Variants in CLNK observed in about 807,000 individuals in gnomAD.
CLNK encodes cytokine dependent hematopoietic cell linker, also known as cytokine-dependent hematopoietic cell linker.
A neutral mutation model predicts 68.6 loss-of-function variants in CLNK; 74 were observed. That is an observed-to-expected ratio of 1.08 (90% confidence interval 0.89 to 1.31). The LOEUF (loss-of-function observed/expected upper bound fraction) is 1.31. CLNK is among the 50% of genes most tolerant of loss of function. The pLI is 0.00. For missense variants in CLNK, 553 were observed against 515.3 expected, an observed-to-expected ratio of 1.07 and a Z score of -0.71; for synonymous variants, 198 against 172.2, an observed-to-expected ratio of 1.15 and a Z score of -1.17.
chr4:10,519,632 A>G (rs1717978257), intron 15 of CLNK, among the ~76,000 whole-genome samples: 1 of 152,218 alleles, frequency 6.6e-6, no homozygotes, highest in Admixed American at 6.5e-5. Context: ...AAGCGAATTT[A>G]TCAGCTTGGT....
rs376552124 is a variant in CLNK, at chr4:10,507,945, G to A, written c.984+14C>T. On this transcript the variant is annotated intron_variant, in intron 17 of 18. Coordinates refer to ENST00000226951, the MANE Select transcript of CLNK (RefSeq NM_052964.4). ...TATAGAAACAATAATGATGGGCCAC[G>A]TAGAAGGCATTACCTTGTTCTCCTT... 23 of 1,587,386 alleles carry A rather than the reference G, an allele frequency of 1.4e-5. No homozygotes were observed. Among genetic ancestry groups the A allele is most frequent in the African/African-American group, 8.0e-5 (6 of 74,544 alleles).
intron 3 of CLNK, among the ~76,000 whole-genome samples, chr4:10,590,190 T>A (rs1262303777): frequency 1.3e-5 from 2 of 152,260 alleles, no homozygotes; most frequent in African/African-American, 4.8e-5. Flanking sequence ...TACAGATTTT[T>A]AATTCTGAAT....
At chr4:10,544,923 G>A (rs1719168456) in intron 8 of CLNK, among the ~76,000 whole-genome samples, 1 of 152,036 alleles carries the variant, frequency 6.6e-6, no homozygotes, top group East Asian at 1.9e-4. Context: ...AAAGCCACCG[G>A]TTTTCCTTCC....
At chr4:10,602,434 G>A (rs1218395439) in intron 2 of CLNK, among the ~76,000 whole-genome samples, 1 of 152,140 alleles carries the variant, frequency 6.6e-6, no homozygotes, top group African/African-American at 2.4e-5. Flanking sequence ...CTAAATCTTG[G>A]GTTAAAGTGT....
At chr4:10,687,155 C>A (rs1273544702), upstream of CLNK, among the ~76,000 whole-genome samples, 5 of 151,276 alleles carry the variant, frequency 3.3e-5, no homozygotes, top group African/African-American at 1.2e-4. Flanking sequence ...TATTTACATC[C>A]TCTACCTACT....
chr4:10,598,525 C>A (rs1418336025), intron 2 of CLNK: 2 of 249,202 alleles, frequency 8.0e-6, no homozygotes, highest in South Asian at 3.8e-5. Context: ...AAAAATCTAG[C>A]AAACATTATC....
At chr4:10,532,217 A>G in intron 12 of CLNK, 39 bp downstream of exon 12, 1 of 1,553,332 alleles carries the variant, frequency 6.4e-7, no homozygotes, top group Non-Finnish European at 8.9e-7. Context: ...ATGCCTCAAA[A>G]TTCCCTTCTT....
At chr4:10,625,171 G>A (rs1183656268) in intron 2 of CLNK, among the ~76,000 whole-genome samples, 6 of 152,188 alleles carry the variant, frequency 3.9e-5, no homozygotes, top group Admixed American at 2.0e-4. Context: ...AAGCCATGCA[G>A]GATTTTAACA....
In CLNK at chr4:10,540,614, G is replaced by T; in HGVS notation, c.492-10C>A. 1 of 1,598,794 alleles carries T rather than the reference G, an allele frequency of 6.3e-7. No individual in the cohort carries two copies. The highest frequency in any genetic ancestry group is 8.6e-7 in the Non-Finnish European group (1 of 1,166,142). On this transcript the variant is annotated splice_polypyrimidine_tract_variant and intron_variant, in intron 10 of 18. Transcript: ENST00000226951. ...AAGTGTTATGAGAGGCCTGTGTGGA[G>T]AGTCGCAGTAGGGTCCTGAGAAAGT... is the stretch of plus-strand genomic sequence containing the variant.
chr4:10,706,180 A>G, the CLNK span, among the ~76,000 whole-genome samples: 1 of 152,154 alleles, frequency 6.6e-6, no homozygotes, highest in Non-Finnish European at 1.5e-5. Context: ...TGGAAATTCC[A>G]CCTGTCTCAG....
chr4:10,516,967 GGTTA>G (rs1319568414), intron 15 of CLNK, among the ~76,000 whole-genome samples: 4 of 152,066 alleles, frequency 2.6e-5, no homozygotes, highest in African/African-American at 4.8e-5. Context: ...CCTTAATTAT[GGTTA>G]GTTATTTTCA....
the CLNK span, among the ~76,000 whole-genome samples, chr4:10,710,290 T>A: frequency 1.3e-5 from 2 of 152,074 alleles, no homozygotes; most frequent in Admixed American, 6.6e-5. Flanking sequence ...TCCGTGCTTC[T>A]CAGTCTGGGA....
At chr4:10,702,786 A>G in the CLNK span, among the ~76,000 whole-genome samples, 1 of 152,186 alleles carries the variant, frequency 6.6e-6, no homozygotes, top group East Asian at 1.9e-4. Context: ...CACCTAGAAT[A>G]CTGCCTGGAA....
At chr4:10,720,092 A>G in the CLNK span, among the ~76,000 whole-genome samples, 1 of 152,206 alleles carries the variant, frequency 6.6e-6, no homozygotes, top group Non-Finnish European at 1.5e-5. Context: ...CTAACTGCAA[A>G]TGTTAAAAAA....
At chr4:10,705,270 C>G in the CLNK span, among the ~76,000 whole-genome samples, 1 of 152,154 alleles carries the variant, frequency 6.6e-6, no homozygotes, top group South Asian at 2.1e-4. Flanking sequence ...CTGTTAGAAC[C>G]CATTTGTCTT....
chr4:10,533,352 G>GT (rs1718627206), intron 11 of CLNK, among the ~76,000 whole-genome samples: 4 of 152,202 alleles, frequency 2.6e-5, no homozygotes, highest in African/African-American at 9.6e-5. Context: ...AAACTATGAA[G>GT]GGAGTGGAGT....
the CLNK span, among the ~76,000 whole-genome samples, chr4:10,732,724 G>A: frequency 2.2e-4 from 32 of 144,812 alleles, no homozygotes; most frequent in Admixed American, 1.8e-3. Context: ...GCAACTCGAG[G>A]ACCAAAAAAA....
At chr4:10,587,611 A>T (rs1052914643) in intron 3 of CLNK, among the ~76,000 whole-genome samples, 5 of 152,258 alleles carry the variant, frequency 3.3e-5, no homozygotes, top group African/African-American at 1.2e-4. Flanking sequence ...ACCACGGTCT[A>T]CAAGTTGAGT....
chr4:10,544,388 A>G (rs1719145713), intron 8 of CLNK, among the ~76,000 whole-genome samples: 1 of 152,222 alleles, frequency 6.6e-6, no homozygotes, highest in Admixed American at 6.5e-5. Flanking sequence ...TGGGGGGTAT[A>G]ACACCAACAA....
Sources: gnomAD v4.1 joint callset for allele counts (sites outside exome capture counted in the v4.1 genomes callset) on GRCh38, gnomAD v4.1.1 for gene constraint, MANE v1.5 for transcripts, NCBI Gene and HGNC (gene_info 2026-07-23, HGNC 2026-07-21) for gene names.